SERF1B: variants seen among roughly 807,000 people sequenced by gnomAD.
SERF1B encodes the protein small EDRK-rich factor 1B.
chr5:70,029,053 A>T (rs1441105153), intron 2 of SERF1B, among the ~76,000 whole-genome samples: 1 of 152,014 alleles, frequency 6.6e-6, no homozygotes, highest in African/African-American at 2.4e-5. Flanking sequence ...TCAAACATTT[A>T]TCTTTCATCC....
chr5:70,037,668 AAAC>A (rs2112448342), intron 2 of SERF1B, among the ~76,000 whole-genome samples: 1 of 124,960 alleles, frequency 8.0e-6, no homozygotes, highest in East Asian at 2.1e-4. Flanking sequence ...AATAAATAAA[AAAC>A]AAGGCCGGGC....
At chr5:70,029,297 A>C (rs1774112870) in intron 2 of SERF1B, among the ~76,000 whole-genome samples, 1 of 151,810 alleles carries the variant, frequency 6.6e-6, no homozygotes, top group African/African-American at 2.4e-5. Flanking sequence ...CACCATGCCC[A>C]GCTAATTTTT....
intron 2 of SERF1B, among the ~76,000 whole-genome samples, chr5:70,036,629 A>ACACTCTCTCT (rs763495681): frequency 0.024 from 1,194 of 50,144 alleles, 18 homozygotes; most frequent in East Asian, 0.086. Flanking sequence ...ACACACACAC[A>ACACTCTCTCT]CTCTCTCTCT....
chr5:70,036,629 A>ACACTCTCTCTCTCTCTCTCT (rs763495681), intron 2 of SERF1B, among the ~76,000 whole-genome samples: 38 of 49,890 alleles, frequency 7.6e-4, no homozygotes, highest in Non-Finnish European at 1.2e-3. Flanking sequence ...ACACACACAC[A>ACACTCTCTCTCTCTCTCTCT]CTCTCTCTCT....
chr5:70,029,388 G>A (rs1223301289), intron 2 of SERF1B, among the ~76,000 whole-genome samples: 4 of 150,948 alleles, frequency 2.6e-5, no homozygotes, highest in African/African-American at 7.3e-5. Flanking sequence ...CACCCGCCTC[G>A]GCCTCCCAAA....
intron 2 of SERF1B, among the ~76,000 whole-genome samples, chr5:70,029,150 T>A (rs1189431190): frequency 6.6e-6 from 1 of 151,600 alleles, no homozygotes; most frequent in Non-Finnish European, 1.5e-5. Context: ...TTTTTTTTTT[T>A]TTAAAGGCAG....
chr5:70,038,140 A>T (rs1165239206), intron 2 of SERF1B, among the ~76,000 whole-genome samples: 2 of 147,256 alleles, frequency 1.4e-5, no homozygotes, highest in Non-Finnish European at 3.0e-5. Flanking sequence ...GCTATAATTG[A>T]CATAATCCTA....
intron 2 of SERF1B, among the ~76,000 whole-genome samples, chr5:70,036,498 G>A (rs1424989023): frequency 2.1e-5 from 2 of 96,768 alleles, no homozygotes; most frequent in African/African-American, 9.8e-5. Flanking sequence ...AAAGTGGGAG[G>A]ATCACCTGAA....
At chr5:70,037,602 T>C (rs1774210715) in intron 2 of SERF1B, among the ~76,000 whole-genome samples, 1 of 147,618 alleles carries the variant, frequency 6.8e-6, no homozygotes. Context: ...TGAGCCGAGA[T>C]TGCACCACTG....
At chr5:70,037,891 G>A (rs1774216801) in intron 2 of SERF1B, among the ~76,000 whole-genome samples, 1 of 118,866 alleles carries the variant, frequency 8.4e-6, no homozygotes, top group Non-Finnish European at 1.7e-5. Context: ...ACTCTGGGAG[G>A]CAAAGGTTGC....
chr5:70,040,740 A>AT (rs1366866662), intron 2 of SERF1B, among the ~76,000 whole-genome samples: 185 of 113,248 alleles, frequency 1.6e-3, no homozygotes, highest in African/African-American at 5.7e-3. Flanking sequence ...CTGTTTTTGA[A>AT]TTTTTTGTAA....
chr5:70,036,746 C>T (rs1774196109), intron 2 of SERF1B, among the ~76,000 whole-genome samples: 1 of 121,288 alleles, frequency 8.2e-6, no homozygotes. Context: ...ACATTTATTA[C>T]ATTGCCTCCT....
At chr5:70,038,618 C>A (rs1437060221) in intron 2 of SERF1B, among the ~76,000 whole-genome samples, 28 of 1,304 alleles carry the variant, frequency 0.021, no homozygotes, top group Middle Eastern at 0.17. Context: ...GACTCCGTCT[C>A]AAAAAAAAAA....
Position 70,037,971 on chromosome 5 carries a change from C to CA in SERF1B, c.117-3542dup, listed in dbSNP as rs1186882673. Reference sequence around the variant, plus strand: ...ACAAGACTCTGTCTCAAAAAAAAAACAAAAAAAAAAACATACAAACCGAAT... The same window carrying CA: ...ACAAGACTCTGTCTCAAAAAAAAAACAAAAAAAAAAAACATACAAACCGAAT... On this transcript the variant is annotated intron_variant, in intron 2 of 2. Transcript: ENST00000380750. Among the ~76,000 whole-genome samples the CA allele has an allele frequency of 5.9e-3, 519 of 88,508 alleles. 43 individuals are homozygous for CA. Among genetic ancestry groups the CA allele is most frequent in the East Asian group, 9.3e-3 (34 of 3,644 alleles). The allele number at this position is 88,508 out of a possible 152,430, so 58.1% of individuals were successfully genotyped here. A position where few individuals can be genotyped will look rare whatever the true frequency, so the allele number is the denominator to read the frequency against.
chr5:70,028,833 CG>C (rs1774097849), intron 2 of SERF1B, among the ~76,000 whole-genome samples: 1 of 148,690 alleles, frequency 6.7e-6, no homozygotes, highest in Non-Finnish European at 1.5e-5. Context: ...AAAAATTAGT[CG>C]GGCGCAGTGG....
At chr5:70,028,378 C>T (rs1430275686) in intron 2 of SERF1B, among the ~76,000 whole-genome samples, 2 of 149,522 alleles carry the variant, frequency 1.3e-5, no homozygotes, top group African/African-American at 4.9e-5. Flanking sequence ...CACGGTGAAA[C>T]CCCGTCTCTA....
rs541713117 is a variant in SERF1B, at chr5:70,029,245, C to G, written c.116+2730C>G. 2.4e-4 allele frequency among the ~76,000 whole-genome samples: 36 copies of G among 151,850 alleles called. No individual in the cohort carries two copies. The South Asian group carries it at 7.3e-3, about 31-fold the overall frequency. On this transcript the variant is annotated intron_variant, in intron 2 of 2. Coordinates refer to ENST00000380750, the MANE Select transcript of SERF1B (RefSeq NM_022978.3). ...CCACCTCCTGGGCTTAAGCGATTCT[C>G]CTGCGTCAGCAATCCAAGTAGCTGG...
rs763495681 is a variant in SERF1B, at chr5:70,036,629, A to ACACACTCTCTCTCTCTCT, written c.117-4894_117-4893insACACTCTCTCTCTCTCTC. ...CACACACACACACACACACACACAC[A>ACACACTCTCTCTCTCTCT]CTCTCTCTCTCTCTCTCTCTCTCTC... On this transcript the variant is annotated intron_variant, in intron 2 of 2. Coordinates refer to ENST00000380750, the MANE Select transcript of SERF1B (RefSeq NM_022978.3). Among the ~76,000 whole-genome samples, 63 of 49,884 alleles carry ACACACTCTCTCTCTCTCT rather than the reference A, an allele frequency of 1.3e-3. 1 individual carries two copies. Among genetic ancestry groups the ACACACTCTCTCTCTCTCT allele is most frequent in the South Asian group, 3.3e-3 (5 of 1,536 alleles). The allele number at this position is 49,884 out of a possible 152,430, so 32.7% of individuals were successfully genotyped here. A position where few individuals can be genotyped will look rare whatever the true frequency, so the allele number is the denominator to read the frequency against.
chr5:70,036,629 A>ACTGTCTCTCTCTCT (rs1554065560), intron 2 of SERF1B, among the ~76,000 whole-genome samples: 2 of 49,840 alleles, frequency 4.0e-5, no homozygotes, highest in African/African-American at 1.3e-4. Context: ...ACACACACAC[A>ACTGTCTCTCTCTCT]CTCTCTCTCT....
Sources: allele counts gnomAD v4.1 joint callset (sites outside exome capture counted in the v4.1 genomes callset), GRCh38; gene constraint gnomAD v4.1.1; transcripts MANE v1.5; gene names NCBI Gene and HGNC (gene_info 2026-07-23, HGNC 2026-07-21).